The following TTLL5 variants were observed in gnomAD, a reference collection of about 807,000 sequenced individuals.
TTLL5 encodes tubulin tyrosine ligase like 5.
TTLL5 carries 132 observed loss-of-function variants against 168.4 expected under a neutral mutation model. The ratio of observed to expected loss-of-function variants is 0.78; its 90% confidence interval spans 0.68 to 0.91. TTLL5 has a LOEUF of 0.91. Among genes scored for constraint, TTLL5 ranks in the 40% least tolerant of loss-of-function variants. The pLI, the probability that TTLL5 is intolerant of heterozygous loss-of-function variation, is 0.00. For synonymous variants in TTLL5, 546 were observed against 558.6 expected (o/e 0.98, Z 0.32); for missense variants, 1,545 against 1,581.5 (o/e 0.98, Z 0.39).
intron 17 of TTLL5, among the ~76,000 whole-genome samples, chr14:75,746,655 C>T (rs757089711): frequency 2.0e-5 from 3 of 151,464 alleles, no homozygotes; most frequent in Non-Finnish European, 2.9e-5. Context: ...TTCCTGGGCT[C>T]CACTTCAAGC....
chr14:75,942,816 G>C (rs1425450863), intron 31 of TTLL5, among the ~76,000 whole-genome samples: 3 of 152,234 alleles, frequency 2.0e-5, no homozygotes, highest in Non-Finnish European at 4.4e-5. Context: ...TGGACTCCCT[G>C]ATAGTTGCCG....
chr14:75,948,229 A>G (rs1248623221), intron 31 of TTLL5, among the ~76,000 whole-genome samples: 2 of 152,212 alleles, frequency 1.3e-5, no homozygotes, highest in Non-Finnish European at 2.9e-5. Flanking sequence ...TCACACCTGT[A>G]ACCCCTGCGC....
intron 12 of TTLL5, among the ~76,000 whole-genome samples, chr14:75,725,067 C>T (rs1161805246): frequency 6.6e-6 from 1 of 152,180 alleles, no homozygotes; most frequent in African/African-American, 2.4e-5. Context: ...ACTGATCAGC[C>T]TGGACTTGTT....
intron 27 of TTLL5, among the ~76,000 whole-genome samples, chr14:75,800,610 G>T (rs1893243352): frequency 6.6e-6 from 1 of 152,114 alleles, no homozygotes; most frequent in African/African-American, 2.4e-5. Flanking sequence ...TGTATCAGAG[G>T]GTCTGGGTTG....
intron 30 of TTLL5, among the ~76,000 whole-genome samples, chr14:75,890,382 CAGA>C (rs1252921793): frequency 2.0e-5 from 3 of 151,826 alleles, no homozygotes; most frequent in Non-Finnish European, 4.4e-5. Flanking sequence ...CAGGGGAACC[CAGA>C]AGAAGAAAAT....
At chr14:75,785,304 C>T (rs573676052) in intron 26 of TTLL5, among the ~76,000 whole-genome samples, 5 of 152,008 alleles carry the variant, frequency 3.3e-5, no homozygotes, top group South Asian at 2.1e-4. Context: ...CTCAGCCTCC[C>T]GAGTAGTTGG....
Position 75,766,127 on chromosome 14 carries a change from G to T in TTLL5, c.1774G>T (p.Ala592Ser), listed in dbSNP as rs11848004. Reference sequence around the variant, plus strand: ...AGAGAGTGAAGAGGAGGAAGAAGTCGCATTAGATAATGAAGATGAAGAACA... The same window carrying T: ...AGAGAGTGAAGAGGAGGAAGAAGTCTCATTAGATAATGAAGATGAAGAACA... Reference protein sequence around the residue: ...ETESEEEEEVALDNEDEEQEA... With the variant: ...ETESEEEEEVSLDNEDEEQEA... Residue 592 changes from alanine (A) to serine (S), a missense_variant, in exon 20 of 32, where the codon GCA becomes TCA. Coordinates refer to ENST00000298832, the MANE Select transcript of TTLL5 (RefSeq NM_015072.5). 1.9e-6 allele frequency: 3 copies of T among 1,613,832 alleles called. No homozygotes were observed. Among genetic ancestry groups the T allele is most frequent in the Admixed American group, 1.7e-5 (1 of 59,990 alleles).
intron 7 of TTLL5, among the ~76,000 whole-genome samples, chr14:75,700,579 A>G (rs1028207118): frequency 4.2e-4 from 64 of 152,320 alleles, no homozygotes; most frequent in African/African-American, 1.5e-3. Flanking sequence ...GGAGAGATGC[A>G]AAACCCCGGA....
chr14:75,901,685 C>G (rs1299616097), intron 30 of TTLL5, among the ~76,000 whole-genome samples: 2 of 152,186 alleles, frequency 1.3e-5, no homozygotes, highest in Non-Finnish European at 2.9e-5. Context: ...GCTCAGGGGA[C>G]ACATAATCTC....
chr14:75,681,344 A>AT (rs1205934287), intron 3 of TTLL5, among the ~76,000 whole-genome samples: 5 of 152,128 alleles, frequency 3.3e-5, no homozygotes, highest in East Asian at 1.9e-4. Context: ...CCAAGGTGTA[A>AT]TTTTTCCCCC....
At chr14:75,707,146 C>CT (rs1886713874) in intron 8 of TTLL5, 59 bp downstream of exon 8, 1 of 1,302,302 alleles carries the variant, frequency 7.7e-7, no homozygotes, top group Non-Finnish European at 1.1e-6. Context: ...ACTTTTTAAG[C>CT]TTTTCATAGC....
intron 2 of TTLL5, among the ~76,000 whole-genome samples, chr14:75,664,059 G>A (rs1225218061): frequency 2.0e-5 from 3 of 150,768 alleles, no homozygotes; most frequent in African/African-American, 4.9e-5. Flanking sequence ...ACTCCAGCCC[G>A]GGCAACAAGA....
intron 31 of TTLL5, 89 bp from the exon 32 acceptor site, chr14:75,954,333 AGT>A: frequency 7.6e-7 from 1 of 1,318,922 alleles, no homozygotes; most frequent in Non-Finnish European, 1.1e-6. Context: ...TTTATTCTTC[AGT>A]GATGTTAGAT....
rs762017662 is a variant in TTLL5 at position 75,775,493 on chromosome 14, G to T, written c.2146G>T (p.Val716Phe). Reference protein sequence around the residue: ...AKEDEQMELVVRFLKRASNNL... With the variant: ...AKEDEQMELVFRFLKRASNNL... ...ACTCTTTAATTTATAGGAGCTGGTTGTTCGTTTCCTCAAGCGAGCATCAAA... is the reference window on the plus strand; with the variant it reads ...ACTCTTTAATTTATAGGAGCTGGTTTTTCGTTTCCTCAAGCGAGCATCAAA... The change falls in exon 22 of 32, where the codon GTT becomes TTT. Residue 716 changes from valine to phenylalanine, a missense_variant. By Grantham distance (50) the Val-to-Phe change is conservative. Transcript: ENST00000298832. 1.2e-6 allele frequency: 2 copies of T among 1,612,740 alleles called. No individual in the cohort carries two copies. Among genetic ancestry groups the T allele is most frequent in the East Asian group, 2.2e-5 (1 of 44,850 alleles).
chr14:75,818,370 G>A (rs1407681570), intron 27 of TTLL5, among the ~76,000 whole-genome samples: 1 of 151,934 alleles, frequency 6.6e-6, no homozygotes, highest in Non-Finnish European at 1.5e-5. Context: ...GTGTTTGTGT[G>A]TGTATGTGTT....
At position 75,773,965 on chromosome 14, in the gene TTLL5, G is replaced by GAGAGAA. The variant is rs1566598244; in HGVS notation, c.2137-1514_2137-1513insAAGAGA. 1.4e-3 allele frequency among the ~76,000 whole-genome samples: 69 copies of GAGAGAA among 49,132 alleles called. 1 individual carries two copies. Among genetic ancestry groups the GAGAGAA allele is most frequent in the African/African-American group, 3.0e-3 (51 of 17,066 alleles). The allele number at this position is 49,132 out of a possible 152,430, so 32.2% of individuals were successfully genotyped here. A position where few individuals can be genotyped will look rare whatever the true frequency, so the allele number is the denominator to read the frequency against. On this transcript the variant is annotated intron_variant, in intron 21 of 31. Coordinates refer to ENST00000298832, the MANE Select transcript of TTLL5 (RefSeq NM_015072.5). Reference sequence around the variant, plus strand: ...AGAGAGAGAGAGAGAGAAAGAGAGAGAGAGAGAGAGAGAGAGAGAGAGAGA... The same window carrying GAGAGAA: ...AGAGAGAGAGAGAGAGAAAGAGAGAGAGAGAAAGAGAGAGAGAGAGAGAGAGAGAGA...
chr14:75,876,825 T>C (rs2031515699), intron 29 of TTLL5, among the ~76,000 whole-genome samples: 2 of 152,232 alleles, frequency 1.3e-5, no homozygotes, highest in South Asian at 4.1e-4. Context: ...ACTCTCACTC[T>C]CACCTTGGCT....
chr14:75,763,248 T>G (rs1484692618), intron 18 of TTLL5, among the ~76,000 whole-genome samples: 1 of 127,244 alleles, frequency 7.9e-6, no homozygotes, highest in Non-Finnish European at 1.6e-5. Flanking sequence ...TTTCTATAGC[T>G]CTCTCTCTGT....
At chr14:75,940,799 A>G (rs1404766688) in intron 31 of TTLL5, among the ~76,000 whole-genome samples, 1 of 152,208 alleles carries the variant, frequency 6.6e-6, no homozygotes, top group Admixed American at 6.5e-5. Flanking sequence ...TGATGGGTTT[A>G]TTATAATAAA....
Sources: allele counts gnomAD v4.1 joint callset (sites outside exome capture counted in the v4.1 genomes callset), GRCh38; gene constraint gnomAD v4.1.1; transcripts MANE v1.5; gene names NCBI Gene and HGNC (gene_info 2026-07-23, HGNC 2026-07-21).